The following EYS variants were observed in gnomAD, a reference collection of about 807,000 sequenced individuals.
EYS encodes the protein EGF-like photoreceptor maintenance factor.
Under a neutral mutation model 282.1 loss-of-function variants are expected in EYS, and 250 were observed. The observed-to-expected ratio is 0.89, with a 90% CI of 0.80 to 0.98. The LOEUF (loss-of-function observed/expected upper bound fraction) is 0.98, where lower values mean the gene tolerates loss of function less well. Among genes scored for constraint, EYS ranks in the 50% least tolerant of loss-of-function variants. The probability of loss-of-function intolerance (pLI) is 0.00; values close to 1 mark genes in which losing one functional copy is unlikely to be tolerated. For missense variants in EYS, 4,016 were observed against 3,709.0 expected, an observed-to-expected ratio of 1.08 and a Z score of -2.15; for synonymous variants, 1,355 against 1,282.9, an observed-to-expected ratio of 1.06 and a Z score of -1.20.
At chr6:65,451,704 T>C (rs1441160457) in intron 5 of EYS, among the ~76,000 whole-genome samples, 2 of 151,824 alleles carry the variant, frequency 1.3e-5, no homozygotes, top group Non-Finnish European at 2.9e-5. Context: ...AAACACACTG[T>C]TTTTTTAATT....
rs535718235 is a variant in EYS, at chr6:65,098,200, T to C, written c.2024-40473A>G. ...TTTCCATTGCAGTAGTCAGGATATA[T>C]AACTGGATAGAATTGCCTCTGTTTA... On this transcript the variant is annotated intron_variant, in intron 12 of 42. Transcript: ENST00000503581. Among the ~76,000 whole-genome samples the C allele has an allele frequency of 3.3e-5, 5 of 150,860 alleles. No individual in the cohort carries two copies. In the South Asian group the frequency reaches 6.2e-4, roughly 19 times the overall value.
chr6:64,533,982 T>C (rs1370189619), intron 26 of EYS, among the ~76,000 whole-genome samples: 1 of 151,928 alleles, frequency 6.6e-6, no homozygotes, highest in Admixed American at 6.6e-5. Context: ...AAAACTAATC[T>C]ATGGTATTAG....
intron 22 of EYS, among the ~76,000 whole-genome samples, chr6:64,756,458 A>G (rs1292234823): frequency 2.0e-5 from 3 of 152,200 alleles, no homozygotes; most frequent in African/African-American, 7.2e-5. Flanking sequence ...ATAATGCCTT[A>G]TAGCCTGGTT....
chr6:65,648,091 A>G (rs1054827781), intron 1 of EYS, among the ~76,000 whole-genome samples: 1 of 152,216 alleles, frequency 6.6e-6, no homozygotes, highest in Non-Finnish European at 1.5e-5. Context: ...AATGTAAACT[A>G]ATACGACCAC....
intron 36 of EYS, among the ~76,000 whole-genome samples, chr6:63,834,728 T>A (rs1582258858): frequency 6.6e-6 from 1 of 152,084 alleles, no homozygotes; most frequent in African/African-American, 2.4e-5. Flanking sequence ...TTATAAATCA[T>A]GCTGCTGTAT....
intron 12 of EYS, among the ~76,000 whole-genome samples, chr6:65,091,832 C>T (rs1774577888): frequency 6.6e-6 from 1 of 151,960 alleles, no homozygotes; most frequent in African/African-American, 2.4e-5. Context: ...TGAGCTCATA[C>T]CTGGCTTTGA....
intron 12 of EYS, among the ~76,000 whole-genome samples, chr6:65,198,626 C>T (rs1765826628): frequency 6.6e-6 from 1 of 151,962 alleles, no homozygotes; most frequent in African/African-American, 2.4e-5. Context: ...TCATTGACTA[C>T]AGAAAGAAGT....
intron 8 of EYS, among the ~76,000 whole-genome samples, chr6:65,362,264 A>T (rs1333175894): frequency 6.6e-6 from 1 of 152,110 alleles, no homozygotes; most frequent in Non-Finnish European, 1.5e-5. Flanking sequence ...CAAATAAAGT[A>T]AAAGAATGAA....
At chr6:64,808,112 C>T (rs1764492828) in intron 22 of EYS, among the ~76,000 whole-genome samples, 1 of 149,674 alleles carries the variant, frequency 6.7e-6, no homozygotes, top group Non-Finnish European at 1.5e-5. Context: ...TTCCCTTCTT[C>T]CCTTTCCTTC....
chr6:65,447,796 G>GA lies in EYS; in HGVS notation c.863-42430dup, dbSNP rs1747782825. On this transcript the variant is annotated intron_variant, in intron 5 of 42. Coordinates refer to ENST00000503581, the MANE Select transcript of EYS (RefSeq NM_001142800.2). ...ACTAATGAATCATGAGGGAGCTAGG[G>GA]AACACTTTGCTAAGGAAGCCACCTG... is the stretch of plus-strand genomic sequence containing the variant. 2.6e-5 allele frequency among the ~76,000 whole-genome samples: 4 copies of GA among 152,096 alleles called. No homozygotes were observed. In the South Asian group the frequency reaches 8.3e-4, roughly 32 times the overall value.
intron 15 of EYS, among the ~76,000 whole-genome samples, chr6:64,944,667 T>C (rs1449542957): frequency 6.6e-6 from 1 of 151,902 alleles, no homozygotes; most frequent in Admixed American, 6.6e-5. Context: ...GGAGGATTAG[T>C]AAAAGAGGAA....
intron 33 of EYS, among the ~76,000 whole-genome samples, chr6:64,065,693 A>G (rs1303951380): frequency 6.6e-6 from 1 of 152,284 alleles, no homozygotes; most frequent in Middle Eastern, 3.4e-3. Flanking sequence ...TTGAACAATA[A>G]AACTGGATGT....
chr6:65,251,937 A>T (rs1767336186), intron 12 of EYS, among the ~76,000 whole-genome samples: 1 of 151,888 alleles, frequency 6.6e-6, no homozygotes, highest in African/African-American at 2.4e-5. Context: ...CAATTCCGTC[A>T]TGCTGGTGGT....
At chr6:63,981,799 T>C (rs1369751089) in intron 35 of EYS, among the ~76,000 whole-genome samples, 1 of 151,840 alleles carries the variant, frequency 6.6e-6, no homozygotes, top group African/African-American at 2.4e-5. Context: ...AAATTTACCT[T>C]AAGTCCTGAA....
intron 2 of EYS, among the ~76,000 whole-genome samples, chr6:65,622,452 TATC>T (rs928522936): frequency 7.9e-5 from 12 of 152,100 alleles, no homozygotes; most frequent in Middle Eastern, 3.4e-3. Flanking sequence ...ATTGTAATAT[TATC>T]ATTATTAAAA....
At chr6:64,095,488 G>A (rs1772560195) in intron 31 of EYS, among the ~76,000 whole-genome samples, 1 of 152,114 alleles carries the variant, frequency 6.6e-6, no homozygotes, top group Non-Finnish European at 1.5e-5. Context: ...TTGTTGAATT[G>A]ATCCCTTTAC....
At position 64,863,647 on chromosome 6, in the gene EYS, A is replaced by C. The variant is rs553284936; in HGVS notation, c.2992+23050T>G. On this transcript the variant is annotated intron_variant, in intron 19 of 42. Coordinates refer to ENST00000503581, the MANE Select transcript of EYS (RefSeq NM_001142800.2). ...CTTAGAATAGCTCTCATTATATAGCAATAGTAGCTTTATTTTTAAGTCATG... is the reference window on the plus strand; with the variant it reads ...CTTAGAATAGCTCTCATTATATAGCCATAGTAGCTTTATTTTTAAGTCATG... Among the ~76,000 whole-genome samples, 5 of 152,264 alleles carry C rather than the reference A, an allele frequency of 3.3e-5. No individual in the cohort carries two copies. The South Asian group carries it at 6.2e-4, about 19-fold the overall frequency.
chr6:65,658,537 T>G (rs1314114528), intron 1 of EYS, among the ~76,000 whole-genome samples: 1 of 151,674 alleles, frequency 6.6e-6, no homozygotes, highest in Admixed American at 6.6e-5. Flanking sequence ...ATAAACTCCC[T>G]GAAAACTATG....
intron 33 of EYS, among the ~76,000 whole-genome samples, chr6:64,002,871 T>C (rs2149805423): frequency 6.6e-6 from 1 of 152,318 alleles, no homozygotes; most frequent in African/African-American, 2.4e-5. Flanking sequence ...CTTTTGCTTA[T>C]TTGTATTTTC....
Sources: allele counts gnomAD v4.1 joint callset (sites outside exome capture counted in the v4.1 genomes callset), GRCh38; gene constraint gnomAD v4.1.1; transcripts MANE v1.5; gene names NCBI Gene and HGNC (gene_info 2026-07-23, HGNC 2026-07-21).